The following FOXP2 variants were observed in gnomAD, a reference collection of about 807,000 sequenced individuals.
The protein encoded by FOXP2 is forkhead box protein P2.
Under a neutral mutation model 115.8 loss-of-function variants are expected in FOXP2, and 12 were observed. That is an observed-to-expected ratio of 0.10 (90% confidence interval 0.07 to 0.17). The LOEUF is 0.17. Among genes scored for constraint, FOXP2 ranks in the 10% least tolerant of loss-of-function variants. The pLI is 1.00. For synonymous variants in FOXP2, 328 were observed against 297.7 expected (o/e 1.10, Z -1.05); for missense variants, 629 against 843.5 (o/e 0.75, Z 3.15).
chr7:114,613,767 T>C (rs1314556472), intron 3 of FOXP2: 1 of 152,144 alleles, frequency 6.6e-6, no homozygotes, highest in East Asian at 1.9e-4. Context: ...TTCTTTTCTT[T>C]TTTTTTAAAA....
Position 114,628,550 on chromosome 7 carries a change from C to A in FOXP2, c.269C>A (p.Ser90Ter), listed in dbSNP as rs763737160. ...DKQRPLQVPV[S>*]VAMMTPQVIT... ...CTCTTTCTGTGCAAGGTGCCTGTGTCAGTGGCCATGATGACTCCCCAGGTG... is the reference window on the plus strand; with the variant it reads ...CTCTTTCTGTGCAAGGTGCCTGTGTAAGTGGCCATGATGACTCCCCAGGTG... The change falls in exon 4 of 17, where the codon TCA becomes TAA. Residue 90 changes from serine (S) to a stop codon, truncating the protein, a stop_gained. Coordinates refer to ENST00000350908, the MANE Select transcript of FOXP2 (RefSeq NM_014491.4). LOFTEE classifies it high-confidence loss of function. 2 of 1,614,038 alleles carry A rather than the reference C, an allele frequency of 1.2e-6. No homozygotes were observed. Among genetic ancestry groups the A allele is most frequent in the Admixed American group, 3.3e-5 (2 of 60,014 alleles).
At chr7:114,124,242 C>T (rs1236773217) in intron 1 of FOXP2, among the ~76,000 whole-genome samples, 3 of 152,044 alleles carry the variant, frequency 2.0e-5, no homozygotes, top group African/African-American at 7.2e-5. Flanking sequence ...CTCCTACTTA[C>T]AAGCATAACT....
At chr7:114,290,499 T>C (rs899072678) in intron 2 of FOXP2, among the ~76,000 whole-genome samples, 1 of 152,106 alleles carries the variant, frequency 6.6e-6, no homozygotes, top group African/African-American at 2.4e-5. Flanking sequence ...AAAATTGCTA[T>C]AAATTTCATA....
rs748880718 is a variant in FOXP2 at position 114,663,552 on chromosome 7, A to G, written c.1839+33A>G. The G allele has an allele frequency of 2.0e-6, 3 of 1,477,230 alleles. No homozygotes were observed. The South Asian group carries it at 3.5e-5, about 17-fold the overall frequency. 91.5% of individuals were successfully genotyped at this position (1,477,230 alleles called of 1,614,324 possible). A position where few individuals can be genotyped will look rare whatever the true frequency, so the allele number is the denominator to read the frequency against. On this transcript the variant is annotated intron_variant, in intron 15 of 16. Transcript: ENST00000350908. ...ACTTTCCCAGTTTTGTTGTATTTGA[A>G]TGTTTAGGGCTTTTTTTTTTTTTTT...
Position 114,414,833 on chromosome 7 carries a change from C to A in FOXP2, c.-538C>A, listed in dbSNP as rs1220232660. 3.1e-6 allele frequency: 1 copy of A among 327,624 alleles called. No homozygotes were observed. Among genetic ancestry groups the A allele is most frequent in the East Asian group, 7.8e-5 (1 of 12,874 alleles). The allele number at this position is 327,624 out of a possible 1,614,324, so 20.3% of individuals were successfully genotyped here. On this transcript the variant is annotated 5_prime_UTR_variant, in exon 1 of 17. Transcript: ENST00000350908. The stretch of plus-strand genomic sequence containing the variant: ...ATTTATCACAGACATGAAAGCTAAC[C>A]GAGGACTTGAGAGACTCAAACTGGT...
intron 2 of FOXP2, among the ~76,000 whole-genome samples, chr7:114,325,943 T>C (rs1210327337): frequency 6.6e-6 from 1 of 152,084 alleles, no homozygotes; most frequent in Non-Finnish European, 1.5e-5. Flanking sequence ...CTGTGTAATA[T>C]AGTGTATAAG....
chr7:114,318,379 G>GTTTTTTTTTTTTTTTTTTTTTTTTGT (rs201941261), intron 2 of FOXP2, among the ~76,000 whole-genome samples: 1 of 116,826 alleles, frequency 8.6e-6, no homozygotes, highest in South Asian at 3.2e-4. Context: ...GTCTCTCTTT[G>GTTTTTTTTTTTTTTTTTTTTTTTTGT]TTTTTTTTTT....
chr7:114,249,955 G>A (rs562808327), intron 1 of FOXP2, among the ~76,000 whole-genome samples: 15 of 69,244 alleles, frequency 2.2e-4, no homozygotes, highest in East Asian at 7.2e-4. Flanking sequence ...CCCCTCCCCC[G>A]ACCCCACAAC....
rs1248169049 is a variant in FOXP2, at chr7:114,406,263, C to T, written c.-10-20239C>T. Among the ~76,000 whole-genome samples, 5 of 151,964 alleles carry T rather than the reference C, an allele frequency of 3.3e-5. No homozygotes were observed. In the East Asian group the frequency reaches 9.7e-4, roughly 29 times the overall value. On this transcript the variant is annotated intron_variant, in intron 2 of 17. Transcript: ENST00000634411. Reference sequence around the variant, plus strand: ...TTTAGTTTTCTGTGCTAGAAAAAAACATATTTTGCTCCAGCTGTTTTGAAT... The same window carrying T: ...TTTAGTTTTCTGTGCTAGAAAAAAATATATTTTGCTCCAGCTGTTTTGAAT...
Position 114,530,345 on chromosome 7 carries a change from C to CT in FOXP2, c.169-4272_169-4271insT, listed in dbSNP as rs1562979426. ...TTTATGTTTCAGAGAGATTTTGTAG[C>CT]CTTCAGCTCTCAAGAATGTGTCACG... On this transcript the variant is annotated intron_variant, in intron 2 of 16. Coordinates refer to ENST00000350908, the MANE Select transcript of FOXP2 (RefSeq NM_014491.4). Among the ~76,000 whole-genome samples the CT allele has an allele frequency of 5.3e-5, 8 of 151,904 alleles. No individual in the cohort carries two copies. The East Asian group carries it at 1.6e-3, about 29-fold the overall frequency.
intron 2 of FOXP2, among the ~76,000 whole-genome samples, chr7:114,380,731 C>T (rs1792268471): frequency 1.3e-5 from 2 of 152,216 alleles, no homozygotes; most frequent in East Asian, 1.9e-4. Context: ...ATGTCATTCA[C>T]ATCATGAGAT....
At chr7:114,343,864 T>C (rs1791271596) in intron 2 of FOXP2, among the ~76,000 whole-genome samples, 1 of 151,674 alleles carries the variant, frequency 6.6e-6, no homozygotes, top group African/African-American at 2.4e-5. Flanking sequence ...TTTCTAACCA[T>C]TCTATTTATC....
intron 1 of FOXP2, among the ~76,000 whole-genome samples, chr7:114,201,086 G>A (rs999713548): frequency 2.6e-5 from 4 of 151,932 alleles, no homozygotes; most frequent in Non-Finnish European, 5.9e-5. Context: ...AATCCGGGAG[G>A]CAGAGGTTGC....
At position 114,673,176 on chromosome 7, in the gene FOXP2, G is replaced by A. The variant is rs184542090; in HGVS notation, c.2003+8740G>A. Among the ~76,000 whole-genome samples the A allele has an allele frequency of 5.3e-5, 8 of 152,328 alleles. No individual in the cohort carries two copies. The East Asian group carries it at 1.5e-3, about 29-fold the overall frequency. On this transcript the variant is annotated intron_variant, in intron 16 of 16. Coordinates refer to ENST00000350908, the MANE Select transcript of FOXP2 (RefSeq NM_014491.4). ...TGACTTAAAGGCAAAGTGTCAAGAT[G>A]TGATTTAGACTTGATTTGTCTGGCC...
chr7:114,680,368 T>C (rs989851489), intron 16 of FOXP2, among the ~76,000 whole-genome samples: 13 of 152,212 alleles, frequency 8.5e-5, no homozygotes, highest in African/African-American at 3.1e-4. Context: ...TATTCATTAT[T>C]TGCCAAATGG....
intron 2 of FOXP2, among the ~76,000 whole-genome samples, chr7:114,333,764 T>C (rs576280974): frequency 3.1e-4 from 47 of 152,270 alleles, no homozygotes; most frequent in Non-Finnish European, 6.2e-4. Context: ...GGCACATGCC[T>C]GTAGTCCCAG....
At chr7:114,462,366 C>T (rs1405687674) in intron 2 of FOXP2, among the ~76,000 whole-genome samples, 4 of 89,292 alleles carry the variant, frequency 4.5e-5, no homozygotes, top group Non-Finnish European at 8.4e-5. Flanking sequence ...AGCATAATAT[C>T]TTTTTTTTTT....
intron 2 of FOXP2, among the ~76,000 whole-genome samples, chr7:114,350,841 A>G (rs1791468465): frequency 6.6e-6 from 1 of 152,120 alleles, no homozygotes; most frequent in Non-Finnish European, 1.5e-5. Context: ...GCTTAGTTCA[A>G]AGACTCCCTC....
At chr7:114,373,964 C>T (rs192286517) in intron 2 of FOXP2, among the ~76,000 whole-genome samples, 2 of 152,286 alleles carry the variant, frequency 1.3e-5, no homozygotes, top group Non-Finnish European at 2.9e-5. Context: ...AAGCTGTTAT[C>T]TCCTCTGATC....
Sources: gnomAD v4.1 joint callset for allele counts (sites outside exome capture counted in the v4.1 genomes callset) on GRCh38, gnomAD v4.1.1 for gene constraint, MANE v1.5 for transcripts, NCBI Gene and HGNC (gene_info 2026-07-23, HGNC 2026-07-21) for gene names.